Variants in GALNTL6 observed in about 807,000 individuals in gnomAD.
GALNTL6 encodes the protein polypeptide N-acetylgalactosaminyltransferase-like 6.
GALNTL6 carries 46 observed loss-of-function variants against 73.7 expected under a neutral mutation model. The ratio of observed to expected loss-of-function variants is 0.62; its 90% CI spans 0.49 to 0.80. The LOEUF is 0.80. GALNTL6 is among the 30% of genes least tolerant of loss of function. The pLI, the probability that GALNTL6 is intolerant of heterozygous loss-of-function variation, is 0.00. For missense variants in GALNTL6, 604 were observed against 755.0 expected, an observed-to-expected ratio of 0.80 and a Z score of 2.34; for synonymous variants, 259 against 263.7, an observed-to-expected ratio of 0.98 and a Z score of 0.17.
intron 2 of GALNTL6, among the ~76,000 whole-genome samples, chr4:172,117,803 A>G (rs929620339): frequency 2.0e-5 from 3 of 152,268 alleles, no homozygotes; most frequent in African/African-American, 7.2e-5. Flanking sequence ...GAATAAAAAG[A>G]GACGAAATTG....
intron 2 of GALNTL6, among the ~76,000 whole-genome samples, chr4:172,223,874 C>T (rs1466269760): frequency 6.6e-6 from 1 of 152,034 alleles, no homozygotes; most frequent in Non-Finnish European, 1.5e-5. Flanking sequence ...CCCATACAGT[C>T]CTCCCATTGT....
chr4:172,494,335 G>A (rs1211897525), intron 5 of GALNTL6, among the ~76,000 whole-genome samples: 2 of 152,152 alleles, frequency 1.3e-5, no homozygotes, highest in African/African-American at 2.4e-5. Context: ...TTGATTCACA[G>A]CATCAGGATA....
At chr4:172,724,259 C>T (rs1014064276) in intron 5 of GALNTL6, among the ~76,000 whole-genome samples, 1 of 152,186 alleles carries the variant, frequency 6.6e-6, no homozygotes, top group Non-Finnish European at 1.5e-5. Context: ...CATCATCAGT[C>T]CTTTATTTCA....
intron 5 of GALNTL6, among the ~76,000 whole-genome samples, chr4:172,565,573 T>C (rs1165181722): frequency 2.0e-5 from 3 of 152,188 alleles, no homozygotes; most frequent in African/African-American, 7.2e-5. Context: ...TCTTTTCTTG[T>C]ATTGTTTTTG....
At chr4:172,894,907 C>T (rs2111223583) in intron 8 of GALNTL6, among the ~76,000 whole-genome samples, 1 of 148,888 alleles carries the variant, frequency 6.7e-6, no homozygotes, top group South Asian at 2.1e-4. Flanking sequence ...TATCCTCTTG[C>T]TGAATTGATC....
chr4:172,502,129 A>AG (rs1734284732), intron 5 of GALNTL6, among the ~76,000 whole-genome samples: 1 of 152,166 alleles, frequency 6.6e-6, no homozygotes, highest in African/African-American at 2.4e-5. Context: ...TATTTACACT[A>AG]TCGACTTGGT....
Position 171,894,054 on chromosome 4 carries a change from C to T in GALNTL6, c.138+79336C>T, listed in dbSNP as rs150996479. Among the ~76,000 whole-genome samples the T allele has an allele frequency of 5.9e-3, 874 of 147,234 alleles. 11 individuals are homozygous for T. Among genetic ancestry groups the T allele is most frequent in the African/African-American group, 0.02 (815 of 39,968 alleles). ...CAAGTTGCTATTTAAGAAGTTTAGA[C>T]GTGCAGTTGCTTCATGTTGATGATG... On this transcript the variant is annotated intron_variant, in intron 2 of 12. Coordinates refer to ENST00000506823, the MANE Select transcript of GALNTL6 (RefSeq NM_001034845.3).
At chr4:172,751,943 T>TA (rs1328255588) in intron 5 of GALNTL6, among the ~76,000 whole-genome samples, 2 of 151,156 alleles carry the variant, frequency 1.3e-5, no homozygotes, top group Non-Finnish European at 2.9e-5. Context: ...ACTCTTTCAT[T>TA]AAAAAATCAA....
chr4:172,678,310 G>A (rs1732423444), intron 5 of GALNTL6, among the ~76,000 whole-genome samples: 1 of 151,308 alleles, frequency 6.6e-6, no homozygotes, highest in Admixed American at 6.6e-5. Context: ...CCAGTTTTTA[G>A]TCTTTTCTTT....
chr4:172,368,804 A>C (rs1392221099), intron 5 of GALNTL6, among the ~76,000 whole-genome samples: 1 of 152,200 alleles, frequency 6.6e-6, no homozygotes, highest in Non-Finnish European at 1.5e-5. Flanking sequence ...GGTGAGTGTT[A>C]CAGTTCTTAA....
intron 8 of GALNTL6, among the ~76,000 whole-genome samples, chr4:172,889,034 T>C (rs777746958): frequency 1.3e-5 from 2 of 152,250 alleles, no homozygotes; most frequent in Admixed American, 6.5e-5. Flanking sequence ...GTAAGTGAGA[T>C]TGCATTATTG....
At chr4:172,371,895 T>C (rs1307566816) in intron 5 of GALNTL6, among the ~76,000 whole-genome samples, 1 of 152,202 alleles carries the variant, frequency 6.6e-6, no homozygotes, top group East Asian at 1.9e-4. Flanking sequence ...AATTTCCTTG[T>C]GGTATTTAAT....
At chr4:172,773,099 G>A (rs1413952166) in intron 5 of GALNTL6, among the ~76,000 whole-genome samples, 2 of 152,180 alleles carry the variant, frequency 1.3e-5, no homozygotes, top group Non-Finnish European at 2.9e-5. Context: ...CACAAAGGGG[G>A]TTAGGATGAA....
At chr4:171,993,977 G>T (rs1221498654) in intron 2 of GALNTL6, among the ~76,000 whole-genome samples, 2 of 151,888 alleles carry the variant, frequency 1.3e-5, no homozygotes, top group Admixed American at 1.3e-4. Context: ...TTGTTCCTGG[G>T]ATTAAAGAAT....
intron 4 of GALNTL6, among the ~76,000 whole-genome samples, chr4:172,320,819 A>G (rs1423303775): frequency 6.6e-6 from 1 of 152,224 alleles, no homozygotes; most frequent in Non-Finnish European, 1.5e-5. Flanking sequence ...TACCACTGTC[A>G]TCTCAGGCTG....
intron 2 of GALNTL6, among the ~76,000 whole-genome samples, chr4:171,953,790 G>A (rs1246676363): frequency 1.3e-5 from 2 of 152,060 alleles, no homozygotes; most frequent in African/African-American, 4.8e-5. Context: ...ACAGATAATT[G>A]AGAAATAGCC....
In GALNTL6 at chr4:172,368,918, G is replaced by A. The variant is rs542734596; in HGVS notation, c.553+20229G>A. The stretch of plus-strand genomic sequence containing the variant: ...CGCTGGCTTCAGGAGTGAAGCTGCA[G>A]ACCTTTGCAGTGAGTATTACAGCTC... On this transcript the variant is annotated intron_variant, in intron 5 of 12. Coordinates refer to ENST00000506823, the MANE Select transcript of GALNTL6 (RefSeq NM_001034845.3). Among the ~76,000 whole-genome samples the A allele has an allele frequency of 4.7e-4, 71 of 152,324 alleles. 1 individual carries two copies. The highest frequency in any genetic ancestry group is 8.8e-4 in the Non-Finnish European group (60 of 68,026).
chr4:172,902,762 C>A (rs1746692974), intron 8 of GALNTL6, among the ~76,000 whole-genome samples: 1 of 152,158 alleles, frequency 6.6e-6, no homozygotes, highest in South Asian at 2.1e-4. Flanking sequence ...GCTTAAGACC[C>A]AGACATCTAA....
chr4:172,483,551 C>T (rs488103), intron 5 of GALNTL6, among the ~76,000 whole-genome samples: 16,367 of 152,158 alleles, frequency 0.11, 962 homozygotes, highest in East Asian at 0.23. Flanking sequence ...GTGATTTCTA[C>T]TCTGAGATGA....
Sources: gnomAD v4.1 joint callset for allele counts (sites outside exome capture counted in the v4.1 genomes callset) on GRCh38, gnomAD v4.1.1 for gene constraint, MANE v1.5 for transcripts, NCBI Gene and HGNC (gene_info 2026-07-23, HGNC 2026-07-21) for gene names.